PKD1: variants seen among roughly 807,000 people sequenced by gnomAD.
PKD1 encodes polycystin-1.
A neutral mutation model predicts 361.7 loss-of-function variants in PKD1; 81 were observed. That is an observed-to-expected ratio of 0.22 (90% CI 0.19 to 0.27). The LOEUF (loss-of-function observed/expected upper bound fraction) is 0.27. Ranked by LOEUF, PKD1 falls within the 10% of genes least tolerant of loss-of-function variation. The probability of loss-of-function intolerance (pLI) is 1.00; values close to 1 mark genes in which losing one functional copy is unlikely to be tolerated. For synonymous variants in PKD1, 3,615 were observed against 2,818.3 expected (o/e 1.28, Z -8.95); for missense variants, 6,399 against 6,118.3 (o/e 1.05, Z -1.53).
Position 2,100,354 on chromosome 16 carries a change from T to A in PKD1, c.9568+42A>T, listed in dbSNP as rs372256886. 29 of 1,610,538 alleles carry A rather than the reference T, an allele frequency of 1.8e-5. No individual in the cohort carries two copies. Among genetic ancestry groups the A allele is most frequent in the Non-Finnish European group, 2.4e-5 (28 of 1,179,396 alleles). On this transcript the variant is annotated intron_variant, in intron 27 of 45. Transcript: ENST00000262304. The surrounding 1 kb of genome is among the most constrained non-coding windows in gnomAD (Gnocchi z 4.4). ...AGGTCAGGCTCGCAGGGCGCCCCAA[T>A]GCGGGGGCAGAGGGGCAGAGCTTGG... is the stretch of plus-strand genomic sequence containing the variant.
In PKD1 at chr16:2,090,815, A is replaced by C; in HGVS notation, c.12004-7T>G. 2 of 1,612,242 alleles carry C rather than the reference A, an allele frequency of 1.2e-6. No individual in the cohort carries two copies. The highest frequency in any genetic ancestry group is 1.7e-6 in the Non-Finnish European group (2 of 1,179,934). Reference sequence around the variant, plus strand: ...AGCGTAGCTGCTGGGCAGCCTGCGGACGAGAAATCTGTCTGCTTGCAGCCC... The same window carrying C: ...AGCGTAGCTGCTGGGCAGCCTGCGGCCGAGAAATCTGTCTGCTTGCAGCCC... On this transcript the variant is annotated splice_region_variant and splice_polypyrimidine_tract_variant and intron_variant, in intron 43 of 45. Transcript: ENST00000262304.
chr16:2,107,837 G>C lies in PKD1; in HGVS notation c.7065+46C>G, dbSNP rs548165221. The C allele has an allele frequency of 6.6e-6, 10 of 1,524,836 alleles. No homozygotes were observed. The African/African-American group carries it at 1.4e-4, about 21-fold the overall frequency. The allele number at this position is 1,524,836 out of a possible 1,614,324, so 94.5% of individuals were successfully genotyped here. On this transcript the variant is annotated intron_variant, in intron 16 of 45. Coordinates refer to ENST00000262304, the MANE Select transcript of PKD1 (RefSeq NM_001009944.3). ...ACGGAAAACAGTAGATGACCAGGGA[G>C]GCTGGGCTGTCCAAGGCAAGTGGCC...
At position 2,107,868 on chromosome 16, in the gene PKD1, G is replaced by T; in HGVS notation, c.7065+15C>A. 1.3e-6 allele frequency: 2 copies of T among 1,542,562 alleles called. No homozygotes were observed. Among genetic ancestry groups the T allele is most frequent in the South Asian group, 1.2e-5 (1 of 83,954 alleles). On this transcript the variant is annotated intron_variant, in intron 16 of 45. Coordinates refer to ENST00000262304, the MANE Select transcript of PKD1 (RefSeq NM_001009944.3). The stretch of plus-strand genomic sequence containing the variant: ...GCTGTCCAAGGCAAGTGGCCGAGGG[G>T]CGGGCGGCACCCACCGTCTGGTTGG...
chr16:2,092,549 A>T lies in PKD1; in HGVS notation c.11200T>A (p.Tyr3734Asn). 1.9e-6 allele frequency: 3 copies of T among 1,612,594 alleles called. No individual in the cohort carries two copies. The highest frequency in any genetic ancestry group is 2.5e-6 in the Non-Finnish European group (3 of 1,179,838). The change falls in exon 39 of 46, where the codon TAC becomes AAC. Residue 3734 changes from tyrosine (Y) to asparagine (N), a missense_variant. By Grantham distance (143) the Tyr-to-Asn change is moderately radical. Transcript: ENST00000262304. Reference sequence around the variant, plus strand: ...GGGCTGGACTGGTTCCCGTGGACGTAGGGCAGCAGCACGTGGGCCATCCAT... The same window carrying T: ...GGGCTGGACTGGTTCCCGTGGACGTTGGGCAGCAGCACGTGGGCCATCCAT... ...WPWMAHVLLP[Y>N]VHGNQSSPEL...
chr16:2,103,256 C>G lies in PKD1; in HGVS notation c.8791+10G>C. 6.2e-7 allele frequency: 1 copy of G among 1,609,542 alleles called. No individual in the cohort carries two copies. Among genetic ancestry groups the G allele is most frequent in the Non-Finnish European group, 8.5e-7 (1 of 1,179,528 alleles). ...CAGGGGGCCGCGTGTGCCCCACCCG[C>G]TGCACGCACCGTCCAGCAGCGTATA... On this transcript the variant is annotated intron_variant, in intron 23 of 45. Coordinates refer to ENST00000262304, the MANE Select transcript of PKD1 (RefSeq NM_001009944.3).
At chr16:2,092,617 C>A (rs201209857) in intron 38 of PKD1, 25 bp from the exon 39 acceptor site, 1 of 1,498,602 alleles carries the variant, frequency 6.7e-7, no homozygotes, top group East Asian at 2.3e-5. Context: ...GTCACACGCT[C>A]CAGCCCCTAC....
Position 2,103,201 on chromosome 16 carries a change from C to T in PKD1, c.8791+65G>A, listed in dbSNP as rs368680487. 308 of 1,522,622 alleles carry T rather than the reference C, an allele frequency of 2.0e-4. 1 individual carries two copies. Among genetic ancestry groups the T allele is most frequent in the African/African-American group, 7.7e-4 (56 of 73,078 alleles). The allele number at this position is 1,522,622 out of a possible 1,614,324, so 94.3% of individuals were successfully genotyped here. On this transcript the variant is annotated intron_variant, in intron 23 of 45. Coordinates refer to ENST00000262304, the MANE Select transcript of PKD1 (RefSeq NM_001009944.3). ...ACCAGAGACACCCATGGAAGCCCTA[C>T]GAGAAACGCCTTCCCCCCAAGAACA... is the stretch of plus-strand genomic sequence containing the variant.
intron 23 of PKD1, 29 bp downstream of exon 23, chr16:2,103,237 G>T: frequency 1.2e-6 from 2 of 1,606,602 alleles, no homozygotes; most frequent in Non-Finnish European, 8.5e-7. Flanking sequence ...AGGCCAGGGG[G>T]CCGCGTGTGC....
intron 42 of PKD1, 112 bp downstream of exon 42, chr16:2,091,311 G>A (rs12931786): frequency 1.4e-5 from 6 of 429,372 alleles, no homozygotes; most frequent in South Asian, 1.0e-4. Flanking sequence ...GGGGCGGGAC[G>A]CTGCGAGGGG....
intron 21 of PKD1, among the ~76,000 whole-genome samples, chr16:2,105,101 C>T (rs1360180094): frequency 1.3e-4 from 18 of 138,382 alleles, no homozygotes; most frequent in African/African-American, 4.6e-4. Context: ...CACATCTGGG[C>T]CCCTCTTTAC....
intron 1 of PKD1, among the ~76,000 whole-genome samples, chr16:2,126,257 C>T (rs2092798771): frequency 6.6e-6 from 1 of 152,374 alleles, no homozygotes; most frequent in Admixed American, 6.5e-5. Flanking sequence ...CCAGCGCTGG[C>T]CTCATTCCTG....
chr16:2,115,253 G>A lies in PKD1; in HGVS notation c.2097+125C>T, dbSNP rs185331353. 5.3e-4 allele frequency: 591 copies of A among 1,115,330 alleles called. 4 individuals are homozygous for A. In the East Asian group the frequency reaches 8.8e-3, roughly 17 times the overall value. The allele number at this position is 1,115,330 out of a possible 1,614,324, so 69.1% of individuals were successfully genotyped here. ...GCACTGCAGAGGTCGGAGGTCAGAG[G>A]TGGCAAGGACGTGGGAGGGGCCTGC... On this transcript the variant is annotated intron_variant, in intron 10 of 45. Transcript: ENST00000262304.
chr16:2,100,475 G>A lies in PKD1; in HGVS notation c.9489C>T (p.Asn3163=). 6.2e-7 allele frequency: 1 copy of A among 1,610,724 alleles called. No individual in the cohort carries two copies. The highest frequency in any genetic ancestry group is 8.5e-7 in the Non-Finnish European group (1 of 1,179,584). The stretch of plus-strand genomic sequence containing the variant: ...TGGCGATCCGGAAGATGTCCAGGCT[G>A]TTGCGGTGGAAGGCTCTGTCGCCGT... ...HLDGDRAFHR[N]SLDIFRIATP... The change falls in exon 27 of 46, where the codon AAC becomes AAT. Residue 3163 remains asparagine, a synonymous_variant. Transcript: ENST00000262304. The surrounding 1 kb of genome is among the most constrained non-coding windows in gnomAD (Gnocchi z 4.4).
chr16:2,120,652 T>C (rs1208417206), intron 1 of PKD1, among the ~76,000 whole-genome samples: 2 of 152,086 alleles, frequency 1.3e-5, no homozygotes, highest in Non-Finnish European at 2.9e-5. Context: ...CAGTGAGCTA[T>C]GATTGTGCCA....
At chr16:2,107,764 A>T (rs2092394720) in intron 16 of PKD1, 119 bp downstream of exon 16, 1 of 939,038 alleles carries the variant, frequency 1.1e-6, no homozygotes, top group Non-Finnish European at 1.7e-6. Context: ...TAGAATTTGC[A>T]TCAGAAACAG....
rs1466702158 is a variant in PKD1 at position 2,135,527 on chromosome 16, C to G, written c.163G>C (p.Gly55Arg). ...AGCGCGGGACCGAGCGTCCGCAGCCCGCGGCCCGAGCAGTTGACGCGGCAG... is the reference window on the plus strand; with the variant it reads ...AGCGCGGGACCGAGCGTCCGCAGCCGGCGGCCCGAGCAGTTGACGCGGCAG... ...AACRVNCSGR[G>R]LRTLGPALRI... The change falls in exon 1 of 46, where the codon GGG becomes CGG. Residue 55 changes from glycine to arginine, a missense_variant. Transcript: ENST00000262304. 1 of 1,162,976 alleles carries G rather than the reference C, an allele frequency of 8.6e-7. No homozygotes were observed. Among genetic ancestry groups the G allele is most frequent in the Admixed American group, 4.7e-5 (1 of 21,234 alleles). The allele number at this position is 1,162,976 out of a possible 1,614,324, so 72.0% of individuals were successfully genotyped here. A position where few individuals can be genotyped will look rare whatever the true frequency, so the allele number is the denominator to read the frequency against.
chr16:2,095,347 A>G (rs1022675540), intron 34 of PKD1: 1 of 152,204 alleles, frequency 6.6e-6, no homozygotes. Context: ...TGGGAGGCAG[A>G]CTTTGCAGTG....
chr16:2,094,325 C>T lies in PKD1; in HGVS notation c.10500-115G>A, dbSNP rs557649942. On this transcript the variant is annotated intron_variant, in intron 34 of 45. Transcript: ENST00000262304. The stretch of plus-strand genomic sequence containing the variant: ...AGCCTCTTGGGTCACAGGGTCCCCC[C>T]GACAAAAAGCCGGAAGACCCTACCC... 132 of 728,326 alleles carry T rather than the reference C, an allele frequency of 1.8e-4. 2 individuals carry two copies. Among genetic ancestry groups the T allele is most frequent in the South Asian group, 1.2e-3 (79 of 67,018 alleles). The allele number at this position is 728,326 out of a possible 1,614,324, so 45.1% of individuals were successfully genotyped here.
At position 2,106,333 on chromosome 16, in the gene PKD1, G is replaced by C. The variant is rs370296304; in HGVS notation, c.7490-29C>G. On this transcript the variant is annotated intron_variant, in intron 18 of 45. Transcript: ENST00000262304. This position sits in a 1 kb window ranked among gnomAD's most constrained non-coding sequence, Gnocchi z 6.5. ...AGGGACGGTCCCCACGGCATCACGG[G>C]AGGGCTCCGTGACGTCACAGAGTCG... 5.6e-6 allele frequency: 9 copies of C among 1,602,844 alleles called. No homozygotes were observed. In the South Asian group the frequency reaches 9.9e-5, roughly 18 times the overall value.
Sources: allele counts gnomAD v4.1 joint callset (sites outside exome capture counted in the v4.1 genomes callset), GRCh38; gene constraint gnomAD v4.1.1; non-coding constraint Gnocchi (gnomAD v3.1); transcripts MANE v1.5; gene names NCBI Gene and HGNC (gene_info 2026-07-23, HGNC 2026-07-21).